MAGI1: variants seen among roughly 807,000 people sequenced by gnomAD.
The protein encoded by MAGI1 is membrane associated guanylate kinase, WW and PDZ domain containing 1, also known as membrane-associated guanylate kinase, WW and PDZ domain-containing protein 1.
MAGI1 carries 58 observed loss-of-function variants against 139.9 expected under a neutral mutation model. That is an observed-to-expected ratio of 0.41 (90% CI 0.34 to 0.52). The LOEUF (loss-of-function observed/expected upper bound fraction) is 0.52, where lower values mean the gene tolerates loss of function less well. Ranked by LOEUF, MAGI1 falls within the 20% of genes least tolerant of loss-of-function variation. MAGI1 has a pLI of 0.12. For synonymous variants in MAGI1, 812 were observed against 737.9 expected (o/e 1.10, Z -1.63); for missense variants, 1,874 against 1,901.6 (o/e 0.99, Z 0.27).
chr3:65,705,966 C>G (rs1191692474), intron 1 of MAGI1, among the ~76,000 whole-genome samples: 1 of 152,188 alleles, frequency 6.6e-6, no homozygotes, highest in Admixed American at 6.5e-5. Context: ...TGGTATCATA[C>G]AAACCCAGCT....
chr3:65,573,069 A>C (rs555663699), intron 2 of MAGI1, among the ~76,000 whole-genome samples: 1 of 152,276 alleles, frequency 6.6e-6, no homozygotes, highest in East Asian at 1.9e-4. Context: ...TGCCAATTAC[A>C]TTCCCCAAAT....
chr3:65,822,356 C>A (rs981470585), intron 1 of MAGI1, among the ~76,000 whole-genome samples: 2 of 151,962 alleles, frequency 1.3e-5, no homozygotes, highest in African/African-American at 4.8e-5. Context: ...GGTGCAACCC[C>A]GTCTCTACTA....
At chr3:66,019,998 G>A (rs1426067978) in intron 1 of MAGI1, among the ~76,000 whole-genome samples, 1 of 152,136 alleles carries the variant, frequency 6.6e-6, no homozygotes, top group Non-Finnish European at 1.5e-5. Context: ...ACTGCAAGTG[G>A]GCACCAATTT....
intron 1 of MAGI1, among the ~76,000 whole-genome samples, chr3:65,718,002 G>A (rs947905825): frequency 4.4e-4 from 67 of 152,190 alleles, no homozygotes; most frequent in Admixed American, 2.0e-3. Flanking sequence ...TAACCAAGTG[G>A]GCAGAGTTAC....
intron 10 of MAGI1, among the ~76,000 whole-genome samples, chr3:65,433,686 C>T (rs1367386549): frequency 6.6e-6 from 1 of 152,016 alleles, no homozygotes; most frequent in Non-Finnish European, 1.5e-5. Flanking sequence ...TTAAAATGTA[C>T]TCATTTTCAC....
In MAGI1 at chr3:65,470,353, C is replaced by G. The variant is rs760136006; in HGVS notation, c.889G>C (p.Asp297His). ...TTTTCAGGTAGAGGACCTAAATTAT[C>G]CTCTGCAGAAAGAGGTAGGTATTGA... ...FPQYLPLSAE[D>H]NLGPLPENWE... Residue 297 changes from aspartate to histidine, a missense_variant, in exon 5 of 23, where the codon GAT becomes CAT. Transcript: ENST00000402939. The G allele has an allele frequency of 6.2e-7, 1 of 1,613,824 alleles. No individual in the cohort carries two copies. The highest frequency in any genetic ancestry group is 8.5e-7 in the Non-Finnish European group (1 of 1,179,862).
intron 1 of MAGI1, among the ~76,000 whole-genome samples, chr3:65,638,071 G>A (rs1365352161): frequency 2.0e-5 from 3 of 152,124 alleles, no homozygotes; most frequent in Admixed American, 6.5e-5. Context: ...AGCAGAACTA[G>A]GCAGACCTAA....
intron 1 of MAGI1, among the ~76,000 whole-genome samples, chr3:66,035,989 AC>A (rs2068896314): frequency 6.6e-6 from 1 of 152,124 alleles, no homozygotes; most frequent in South Asian, 2.1e-4. Context: ...CCTATTCAGG[AC>A]CCGTTAGACA....
intron 2 of MAGI1, among the ~76,000 whole-genome samples, chr3:65,612,846 T>C (rs1436888457): frequency 6.6e-6 from 1 of 152,206 alleles, no homozygotes; most frequent in East Asian, 1.9e-4. Context: ...AAGGATACTG[T>C]GAAAACTTTC....
intron 2 of MAGI1, among the ~76,000 whole-genome samples, chr3:65,578,923 AAGAG>A (rs139290080): frequency 2.9e-4 from 42 of 145,592 alleles, no homozygotes; most frequent in African/African-American, 7.9e-4. Context: ...TCTGTCTCCA[AAGAG>A]AGAGAGAGAG....
chr3:65,508,706 G>C (rs188180555), intron 2 of MAGI1, among the ~76,000 whole-genome samples: 60 of 152,346 alleles, frequency 3.9e-4, no homozygotes, highest in African/African-American at 1.4e-3. Context: ...ATCTGTATTA[G>C]AGATAATTTT....
intron 2 of MAGI1, among the ~76,000 whole-genome samples, chr3:65,545,746 T>G: frequency 6.6e-6 from 1 of 152,062 alleles, no homozygotes; most frequent in South Asian, 2.1e-4. Flanking sequence ...ACCATTTATT[T>G]TATAGGAATT....
chr3:65,516,745 T>TTTTTTTG (rs2077905907), intron 2 of MAGI1, among the ~76,000 whole-genome samples: 1 of 96,164 alleles, frequency 1.0e-5, no homozygotes, highest in Admixed American at 1.2e-4. Context: ...TTTTTTTTTT[T>TTTTTTTG]GAGACGGAGT....
intron 18 of MAGI1, among the ~76,000 whole-genome samples, chr3:65,365,454 A>C (rs2106754203): frequency 6.6e-6 from 1 of 152,324 alleles, no homozygotes; most frequent in East Asian, 1.9e-4. Flanking sequence ...TATAATATCC[A>C]CTTTCTTTCC....
At chr3:65,783,611 A>G (rs1349355677) in intron 1 of MAGI1, among the ~76,000 whole-genome samples, 1 of 152,046 alleles carries the variant, frequency 6.6e-6, no homozygotes. Flanking sequence ...CTCCCACCTC[A>G]GCCTCCCCGA....
rs188217705 is a variant in MAGI1, at chr3:66,017,136, G to T, written c.313+20860C>A. 7.3e-4 allele frequency among the ~76,000 whole-genome samples: 111 copies of T among 152,284 alleles called. 1 individual carries two copies. In the South Asian group the frequency reaches 9.1e-3, roughly 13 times the overall value. ...AATGGTTAATTTTATGTTATGTTACGTATATTTTACCACAATTTTGTTTAA... is the reference window on the plus strand; with the variant it reads ...AATGGTTAATTTTATGTTATGTTACTTATATTTTACCACAATTTTGTTTAA... On this transcript the variant is annotated intron_variant, in intron 1 of 22. Transcript: ENST00000402939.
chr3:65,909,222 C>T (rs1283533472), intron 1 of MAGI1, among the ~76,000 whole-genome samples: 1 of 152,108 alleles, frequency 6.6e-6, no homozygotes, highest in African/African-American at 2.4e-5. Flanking sequence ...TTCCATAGCC[C>T]ACCTTTAAGG....
At chr3:65,497,704 G>A (rs894330130) in intron 2 of MAGI1, among the ~76,000 whole-genome samples, 1 of 152,094 alleles carries the variant, frequency 6.6e-6, no homozygotes, top group East Asian at 1.9e-4. Flanking sequence ...GATGTTTTCA[G>A]ATCCAATTTG....
chr3:65,419,071 G>C (rs575965875), intron 12 of MAGI1, among the ~76,000 whole-genome samples: 13 of 152,210 alleles, frequency 8.5e-5, no homozygotes, highest in Admixed American at 2.6e-4. Context: ...TGTGCCTCAG[G>C]GTTCTGTCTT....
Sources: gnomAD v4.1 joint callset for allele counts (sites outside exome capture counted in the v4.1 genomes callset) on GRCh38, gnomAD v4.1.1 for gene constraint, MANE v1.5 for transcripts, NCBI Gene and HGNC (gene_info 2026-07-23, HGNC 2026-07-21) for gene names.